ZNF138: variants seen among roughly 807,000 people sequenced by gnomAD.
The protein encoded by ZNF138 is zinc finger protein 138.
A neutral mutation model predicts 33.0 loss-of-function variants in ZNF138; 33 were observed. The observed-to-expected ratio is 1.00, with a 90% CI of 0.76 to 1.34. ZNF138 has a LOEUF of 1.34. Ranked by LOEUF, ZNF138 falls within the 40% of genes most tolerant of loss-of-function variation. ZNF138 has a pLI of 0.00. For synonymous variants in ZNF138, 139 were observed against 120.4 expected (o/e 1.15, Z -1.01); for missense variants, 360 against 370.8 (o/e 0.97, Z 0.24).
rs1788249931 is a variant in ZNF138, at chr7:64,812,388, G to C, written c.4-2530G>C. On this transcript the variant is annotated intron_variant, in intron 1 of 3. Coordinates refer to ENST00000307355, the MANE Select transcript of ZNF138 (RefSeq NM_001271639.2). Reference sequence around the variant, plus strand: ...TTGGCCAGGATGGTCTTGAAATCCTGGCCTCAAGTAATCCAGCAGCCTCTG... The same window carrying C: ...TTGGCCAGGATGGTCTTGAAATCCTCGCCTCAAGTAATCCAGCAGCCTCTG... Among the ~76,000 whole-genome samples, 6 of 151,960 alleles carry C rather than the reference G, an allele frequency of 3.9e-5. No homozygotes were observed. In the South Asian group the frequency reaches 1.2e-3, roughly 32 times the overall value.
At chr7:64,797,267 A>C (rs1026125004) in intron 1 of ZNF138, among the ~76,000 whole-genome samples, 15 of 152,342 alleles carry the variant, frequency 9.8e-5, no homozygotes, top group Admixed American at 7.2e-4. Context: ...CCATATGACT[A>C]ATTGTTTACT....
chr7:64,809,637 C>T (rs1413648488), intron 1 of ZNF138, among the ~76,000 whole-genome samples: 6 of 149,512 alleles, frequency 4.0e-5, no homozygotes, highest in East Asian at 4.1e-4. Context: ...GGCTGCCGGG[C>T]GGAGACGCTC....
intron 3 of ZNF138, among the ~76,000 whole-genome samples, chr7:64,825,494 C>T (rs1789525990): frequency 6.7e-6 from 1 of 150,270 alleles, no homozygotes; most frequent in Admixed American, 6.6e-5. Flanking sequence ...TCTTAAGCCA[C>T]TCGGGCATTT....
intron 3 of ZNF138, among the ~76,000 whole-genome samples, chr7:64,816,383 T>C (rs1049477346): frequency 1.1e-4 from 16 of 152,010 alleles, no homozygotes; most frequent in Non-Finnish European, 1.9e-4. Context: ...TTTATTGATA[T>C]GTTACATTGT....
chr7:64,808,277 A>G (rs1787772933), intron 1 of ZNF138, among the ~76,000 whole-genome samples: 1 of 152,212 alleles, frequency 6.6e-6, no homozygotes, highest in Non-Finnish European at 1.5e-5. Context: ...GAGTTTCTTC[A>G]GTTTCCTGGT....
At chr7:64,813,115 T>C (rs2128999440) in intron 1 of ZNF138, among the ~76,000 whole-genome samples, 1 of 151,670 alleles carries the variant, frequency 6.6e-6, no homozygotes, top group African/African-American at 2.4e-5. Flanking sequence ...TTCTCATGAA[T>C]TTATAACCTG....
At chr7:64,825,379 A>G (rs1379789742) in intron 3 of ZNF138, among the ~76,000 whole-genome samples, 1 of 150,146 alleles carries the variant, frequency 6.7e-6, no homozygotes, top group Non-Finnish European at 1.5e-5. Flanking sequence ...TCACCGTGTT[A>G]GCCAGGATGG....
the ZNF138 span, among the ~76,000 whole-genome samples, chr7:64,850,872 A>T: frequency 6.6e-6 from 1 of 152,222 alleles, no homozygotes; most frequent in Admixed American, 6.5e-5. Context: ...CAAGGTGGCC[A>T]CATCAGTGGT....
At chr7:64,838,779 C>T in the ZNF138 span, among the ~76,000 whole-genome samples, 1 of 151,984 alleles carries the variant, frequency 6.6e-6, no homozygotes, top group East Asian at 1.9e-4. Flanking sequence ...AGATGGAAGC[C>T]AAGGAGTTAG....
the ZNF138 span, chr7:64,853,030 G>A: frequency 1.3e-6 from 2 of 1,495,494 alleles, no homozygotes; most frequent in Middle Eastern, 3.4e-4. Flanking sequence ...TTGCGTAGAG[G>A]TCACTGAGGA....
At chr7:64,830,731 A>AT (rs1790014236) in intron 3 of ZNF138, among the ~76,000 whole-genome samples, 1 of 152,180 alleles carries the variant, frequency 6.6e-6, no homozygotes, top group South Asian at 2.1e-4. Context: ...AAATTTGAAC[A>AT]TTAAAAAAAG....
intron 3 of ZNF138, among the ~76,000 whole-genome samples, chr7:64,818,224 A>G (rs1283357583): frequency 6.6e-6 from 1 of 151,856 alleles, no homozygotes; most frequent in Non-Finnish European, 1.5e-5. Context: ...GATCTCAAGT[A>G]GTCCCCCCAC....
At chr7:64,838,303 G>A (rs529368932), downstream of ZNF138, among the ~76,000 whole-genome samples, 23 of 152,292 alleles carry the variant, frequency 1.5e-4, no homozygotes, top group East Asian at 5.8e-4. Context: ...GGGCACGGGC[G>A]TGTTGGCGGC....
the ZNF138 span, among the ~76,000 whole-genome samples, chr7:64,845,798 G>C: frequency 6.6e-6 from 1 of 152,102 alleles, no homozygotes; most frequent in Non-Finnish European, 1.5e-5. Context: ...ATTTGTTTGA[G>C]TTCATTGTAG....
chr7:64,853,250 T>C, the ZNF138 span: 2 of 1,609,382 alleles, frequency 1.2e-6, no homozygotes, highest in Admixed American at 3.3e-5. Context: ...GCAGGACATC[T>C]TGGGGCACTT....
intron 2 of ZNF138, 32 bp downstream of exon 2, chr7:64,815,076 A>AT: frequency 2.0e-6 from 3 of 1,536,230 alleles, no homozygotes; most frequent in Non-Finnish European, 2.6e-6. Context: ...ATTTCCTAAT[A>AT]TATCCTAAAG....
At chr7:64,853,062 C>A in the ZNF138 span, 33 of 1,451,900 alleles carry the variant, frequency 2.3e-5, no homozygotes, top group Non-Finnish European at 2.9e-5. Flanking sequence ...GCTATCCTGC[C>A]TGTCACGTAA....
the ZNF138 span, among the ~76,000 whole-genome samples, chr7:64,847,217 A>G: frequency 6.6e-6 from 1 of 151,422 alleles, no homozygotes; most frequent in Non-Finnish European, 1.5e-5. Context: ...TCACACCTGT[A>G]ATTCCTGCAC....
At chr7:64,850,121 T>C in the ZNF138 span, among the ~76,000 whole-genome samples, 2 of 152,238 alleles carry the variant, frequency 1.3e-5, no homozygotes, top group East Asian at 1.9e-4. Context: ...CCACCGGGCT[T>C]TTCCCACTTC....
Sources: allele counts gnomAD v4.1 joint callset (sites outside exome capture counted in the v4.1 genomes callset), GRCh38; gene constraint gnomAD v4.1.1; transcripts MANE v1.5; gene names NCBI Gene and HGNC (gene_info 2026-07-23, HGNC 2026-07-21).